The following MS4A2 variants were observed in gnomAD, a reference collection of about 807,000 sequenced individuals.
The protein encoded by MS4A2 is high affinity immunoglobulin epsilon receptor subunit beta.
A neutral mutation model predicts 27.9 loss-of-function variants in MS4A2; 26 were observed. That is an observed-to-expected ratio of 0.93 (90% CI 0.68 to 1.29). MS4A2 has a LOEUF of 1.29. MS4A2 is among the 50% of genes most tolerant of loss of function. The pLI is 0.00. For missense variants in MS4A2, 284 were observed against 284.6 expected, an observed-to-expected ratio of 1.00 and a Z score of 0.01; for synonymous variants, 110 against 98.8, an observed-to-expected ratio of 1.11 and a Z score of -0.67.
At position 60,095,719 on chromosome 11, in the gene MS4A2, A is replaced by C; in HGVS notation, c.*63A>C. 9.0e-7 allele frequency: 1 copy of C among 1,114,778 alleles called. No individual in the cohort carries two copies. The highest frequency in any genetic ancestry group is 1.2e-5 in the South Asian group (1 of 80,210). The allele number at this position is 1,114,778 out of a possible 1,614,324, so 69.1% of individuals were successfully genotyped here. A position where few individuals can be genotyped will look rare whatever the true frequency, so the allele number is the denominator to read the frequency against. The stretch of plus-strand genomic sequence containing the variant: ...GATCCAGAAGGCCAAGGTCTTGTTA[A>C]GGGGCTACTGGAAAAATTTCTATTC... On this transcript the variant is annotated 3_prime_UTR_variant, in exon 7 of 7. Coordinates refer to ENST00000278888, the MANE Select transcript of MS4A2 (RefSeq NM_000139.5).
chr11:60,092,991 C>T (rs1855794169), intron 4 of MS4A2, 143 bp downstream of exon 4: 1 of 844,382 alleles, frequency 1.2e-6, no homozygotes, highest in Non-Finnish European at 1.9e-6. Flanking sequence ...ATTTTGTGTC[C>T]TAAGGCTTTT....
chr11:60,097,608 G>A lies in MS4A2; in HGVS notation c.*1952G>A, dbSNP rs1195684135. On this transcript the variant is annotated 3_prime_UTR_variant, in exon 7 of 7. Coordinates refer to ENST00000278888, the MANE Select transcript of MS4A2 (RefSeq NM_000139.5). ...ATAAAAGAAGGAAAAGATAGTTTAT[G>A]TTTTTAGCCTAAGTATAAGAGTCCT... is the stretch of plus-strand genomic sequence containing the variant. 2 of 152,282 alleles carry A rather than the reference G, an allele frequency of 1.3e-5. No individual in the cohort carries two copies. Among genetic ancestry groups the A allele is most frequent in the African/African-American group, 4.8e-5 (2 of 41,544 alleles). 9.4% of individuals were successfully genotyped at this position (152,282 alleles called of 1,614,324 possible).
chr11:60,094,677 G>A (rs990185070), intron 6 of MS4A2, among the ~76,000 whole-genome samples: 33 of 152,146 alleles, frequency 2.2e-4, no homozygotes, highest in African/African-American at 7.2e-5. Flanking sequence ...GGCTGGGCAC[G>A]GTGGCTCACG....
intron 5 of MS4A2, 75 bp downstream of exon 5, chr11:60,093,633 C>G: frequency 6.5e-7 from 1 of 1,542,000 alleles, no homozygotes; most frequent in East Asian, 2.2e-5. Context: ...TTCTCCTGTT[C>G]CATGAACACC....
At chr11:60,090,871 G>C (rs1413260246) in intron 3 of MS4A2, among the ~76,000 whole-genome samples, 1 of 152,142 alleles carries the variant, frequency 6.6e-6, no homozygotes, top group African/African-American at 2.4e-5. Flanking sequence ...AACAACAAAG[G>C]CTGGGCATGG....
At chr11:60,090,682 A>G (rs1855744183) in intron 3 of MS4A2, among the ~76,000 whole-genome samples, 1 of 152,224 alleles carries the variant, frequency 6.6e-6, no homozygotes, top group South Asian at 2.1e-4. Context: ...TTTAGCCCAC[A>G]GTTTTATCCC....
At chr11:60,092,977 A>G (rs776288280) in intron 4 of MS4A2, 129 bp downstream of exon 4, 7 of 964,630 alleles carry the variant, frequency 7.3e-6, no homozygotes, top group African/African-American at 1.6e-5. Flanking sequence ...TTTTGTTTCA[A>G]TCTATTTTGT....
At chr11:60,092,681 G>T in intron 3 of MS4A2, 111 bp from the exon 4 acceptor site, 1 of 893,194 alleles carries the variant, frequency 1.1e-6, no homozygotes, top group Non-Finnish European at 1.8e-6. Flanking sequence ...ACATTAATAA[G>T]TAACTTTATC....
Position 60,094,055 on chromosome 11 carries a change from G to A in MS4A2, c.629G>A (p.Gly210Glu). The change falls in exon 6 of 7, where the codon GGA (glycine) becomes GAA (glutamate). Residue 210 changes from glycine to glutamate, a missense_variant. Transcript: ENST00000278888. ...TGTGGAGCTGGGGAAGAACTCAAAGGAAACAAGGTAGATAGAAGCCCGATA... is the reference window on the plus strand; with the variant it reads ...TGTGGAGCTGGGGAAGAACTCAAAGAAAACAAGGTAGATAGAAGCCCGATA... The part of the protein sequence containing the change: ...TICGAGEELK[G>E]NKVPEDRVYE... The A allele has an allele frequency of 1.2e-6, 2 of 1,610,166 alleles. No individual in the cohort carries two copies. Among genetic ancestry groups the A allele is most frequent in the South Asian group, 2.2e-5 (2 of 90,964 alleles).
At position 60,090,319 on chromosome 11, in the gene MS4A2, C is replaced by G; in HGVS notation, c.187-17C>G. ...AAATTTTTTTGATTTTCATGAAATTCATGTGTTTTTCTATAGGTAACACAA... is the reference window on the plus strand; with the variant it reads ...AAATTTTTTTGATTTTCATGAAATTGATGTGTTTTTCTATAGGTAACACAA... On this transcript the variant is annotated splice_polypyrimidine_tract_variant and intron_variant, in intron 2 of 6. Transcript: ENST00000278888. 1.9e-6 allele frequency: 3 copies of G among 1,610,976 alleles called. No homozygotes were observed. Among genetic ancestry groups the G allele is most frequent in the Non-Finnish European group, 2.5e-6 (3 of 1,179,466 alleles).
chr11:60,094,963 C>T (rs920007217), intron 6 of MS4A2, among the ~76,000 whole-genome samples: 33 of 152,040 alleles, frequency 2.2e-4, no homozygotes, highest in Admixed American at 2.0e-3. Flanking sequence ...TGCAGTGAGC[C>T]GAGATCATGC....
intron 6 of MS4A2, 43 bp downstream of exon 6, chr11:60,094,105 G>A (rs773793870): frequency 7.6e-6 from 10 of 1,313,632 alleles, no homozygotes; most frequent in African/African-American, 1.5e-5. Context: ...ACAGGTTAAC[G>A]AATTGGAGCT....
At chr11:60,088,413 C>A (rs570165601), upstream of MS4A2, 5 of 230,136 alleles carry the variant, frequency 2.2e-5, no homozygotes, top group Non-Finnish European at 3.4e-5. Flanking sequence ...TCTTTCTTTT[C>A]TGCAGTTCTT....
chr11:60,094,695 T>C (rs1313079740), intron 6 of MS4A2, among the ~76,000 whole-genome samples: 2 of 152,214 alleles, frequency 1.3e-5, no homozygotes, highest in African/African-American at 4.8e-5. Context: ...ACGCCTGTAA[T>C]CTCAGCACTT....
chr11:60,093,890 T>C, intron 5 of MS4A2, 74 bp from the exon 6 acceptor site: 1 of 1,105,540 alleles, frequency 9.0e-7, no homozygotes, highest in Non-Finnish European at 1.4e-6. Flanking sequence ...AAACAGGAGA[T>C]GCTATAAGAA....
chr11:60,090,064 T>C (rs887637155), intron 2 of MS4A2, among the ~76,000 whole-genome samples: 1 of 152,206 alleles, frequency 6.6e-6, no homozygotes, highest in Non-Finnish European at 1.5e-5. Context: ...ATCTTTATCT[T>C]TACTTAGATG....
At chr11:60,088,418 G>A (rs1855688057), upstream of MS4A2, 1 of 236,910 alleles carries the variant, frequency 4.2e-6, no homozygotes, top group Admixed American at 5.2e-5. Flanking sequence ...CTTTTCTGCA[G>A]TTCTTTCTCA....
rs184189452 is a variant in MS4A2, at chr11:60,098,066, G to A, written c.*2410G>A. ...ATATCTTTACAGTTGTATAGTATAT[G>A]ATATCTCTTTTATTTCACTCAATTT... is the stretch of plus-strand genomic sequence containing the variant. On this transcript the variant is annotated 3_prime_UTR_variant, in exon 7 of 7. Transcript: ENST00000278888. The A allele has an allele frequency of 1.4e-4, 21 of 152,264 alleles. No individual in the cohort carries two copies. Among genetic ancestry groups the A allele is most frequent in the African/African-American group, 4.3e-4 (18 of 41,542 alleles). 9.4% of individuals were successfully genotyped at this position (152,264 alleles called of 1,614,324 possible).
At chr11:60,090,598 T>C in intron 3 of MS4A2, 128 bp downstream of exon 3, 1 of 834,310 alleles carries the variant, frequency 1.2e-6, no homozygotes, top group Non-Finnish European at 1.8e-6. Context: ...AAATTATATG[T>C]GAGCATATAT....
Sources: gnomAD v4.1 joint callset for allele counts (sites outside exome capture counted in the v4.1 genomes callset) on GRCh38, gnomAD v4.1.1 for gene constraint, MANE v1.5 for transcripts, NCBI Gene and HGNC (gene_info 2026-07-23, HGNC 2026-07-21) for gene names.